Variants in ADAM22 observed in about 807,000 individuals in gnomAD.
The protein encoded by ADAM22 is ADAM metallopeptidase domain 22.
ADAM22 carries 65 observed loss-of-function variants against 144.6 expected under a neutral mutation model. That is an observed-to-expected ratio of 0.45 (90% CI 0.37 to 0.55). The LOEUF (loss-of-function observed/expected upper bound fraction) is 0.55, where lower values mean the gene tolerates loss of function less well. Among genes scored for constraint, ADAM22 ranks in the 20% least tolerant of loss-of-function variants. The pLI is 0.00. For missense variants in ADAM22, 974 were observed against 1,184.9 expected (o/e 0.82, Z 2.61); for synonymous variants, 391 against 412.6 (o/e 0.95, Z 0.63).
At chr7:87,991,440 C>G (rs1186974164) in intron 3 of ADAM22, among the ~76,000 whole-genome samples, 1 of 146,618 alleles carries the variant, frequency 6.8e-6, no homozygotes, top group African/African-American at 2.5e-5. Flanking sequence ...AATCTCGGCT[C>G]ACTGCAAGCT....
intron 2 of ADAM22, among the ~76,000 whole-genome samples, chr7:87,961,345 G>A (rs1385723039): frequency 1.3e-5 from 2 of 152,112 alleles, no homozygotes; most frequent in Non-Finnish European, 2.9e-5. Flanking sequence ...GTTCTGGGAG[G>A]AAATATTTGG....
intron 6 of ADAM22, among the ~76,000 whole-genome samples, 156 bp downstream of exon 6, chr7:88,114,803 T>C (rs1585861629): frequency 1.3e-5 from 2 of 152,296 alleles, no homozygotes; most frequent in East Asian, 1.9e-4. Context: ...ATGATGGGTC[T>C]ATGTCCTGAT....
At chr7:88,162,145 A>G (rs1209251406) in intron 22 of ADAM22, among the ~76,000 whole-genome samples, 3 of 122,342 alleles carry the variant, frequency 2.5e-5, no homozygotes, top group Non-Finnish European at 5.1e-5. Context: ...ATGGAATACT[A>G]TGCAGCCATA....
chr7:87,961,115 G>A (rs1847915234), intron 2 of ADAM22, among the ~76,000 whole-genome samples: 1 of 152,060 alleles, frequency 6.6e-6, no homozygotes. Context: ...GGCATACGTT[G>A]TAATTTCTAG....
chr7:87,948,639 A>G (rs1844288964), intron 2 of ADAM22, among the ~76,000 whole-genome samples: 1 of 152,186 alleles, frequency 6.6e-6, no homozygotes, highest in African/African-American at 2.4e-5. Context: ...ATAGGGATCC[A>G]TTGCTACATT....
chr7:87,960,039 A>G (rs751262896), intron 2 of ADAM22, among the ~76,000 whole-genome samples: 4 of 152,116 alleles, frequency 2.6e-5, no homozygotes, highest in Non-Finnish European at 5.9e-5. Flanking sequence ...GCTTCTTATT[A>G]ATCTGGGCCC....
At chr7:88,042,020 G>T (rs2024018) in intron 3 of ADAM22, among the ~76,000 whole-genome samples, 61,104 of 151,824 alleles carry the variant, frequency 0.4, 13,908 homozygotes, top group East Asian at 0.59. Context: ...GAGATTTGTT[G>T]TTAATTGTTC....
chr7:88,148,801 T>C (rs1313199423), intron 17 of ADAM22, among the ~76,000 whole-genome samples, 176 bp from the exon 18 acceptor site: 3 of 152,218 alleles, frequency 2.0e-5, no homozygotes, highest in Non-Finnish European at 4.4e-5. Context: ...AAGAAACTGT[T>C]TCTTAAAACT....
chr7:87,993,185 G>C (rs1790319138), intron 3 of ADAM22, among the ~76,000 whole-genome samples: 1 of 152,146 alleles, frequency 6.6e-6, no homozygotes, highest in Non-Finnish European at 1.5e-5. Flanking sequence ...TGATACTGCT[G>C]CTGAGTTCAT....
At chr7:88,073,976 CA>C (rs1220688772) in intron 3 of ADAM22, among the ~76,000 whole-genome samples, 1 of 152,140 alleles carries the variant, frequency 6.6e-6, no homozygotes, top group Non-Finnish European at 1.5e-5. Context: ...AGTTGTTAAT[CA>C]GGGTAATTTT....
chr7:87,963,719 T>C (rs183826673), intron 2 of ADAM22, among the ~76,000 whole-genome samples: 1 of 152,262 alleles, frequency 6.6e-6, no homozygotes, highest in East Asian at 1.9e-4. Context: ...GAGCAGCTAA[T>C]CAGAGGGAAG....
At chr7:88,102,968 T>A (rs549341051) in intron 4 of ADAM22, among the ~76,000 whole-genome samples, 4 of 152,180 alleles carry the variant, frequency 2.6e-5, no homozygotes, top group Admixed American at 6.5e-5. Flanking sequence ...TATATAAACA[T>A]AAATCAGGCA....
chr7:88,086,769 G>A (rs1455184036), intron 4 of ADAM22, among the ~76,000 whole-genome samples: 1 of 152,210 alleles, frequency 6.6e-6, no homozygotes, highest in African/African-American at 2.4e-5. Context: ...GAATTGATGA[G>A]TAGTGGCAGC....
At chr7:88,108,289 T>G (rs769481726) in intron 5 of ADAM22, 31 bp downstream of exon 5, 2 of 1,568,780 alleles carry the variant, frequency 1.3e-6, no homozygotes, top group South Asian at 2.3e-5. Context: ...TTTTACTGTT[T>G]GTTTTTTCAA....
At chr7:88,100,625 G>T (rs1822654003) in intron 4 of ADAM22, among the ~76,000 whole-genome samples, 1 of 152,132 alleles carries the variant, frequency 6.6e-6, no homozygotes, top group African/African-American at 2.4e-5. Context: ...GCTTTTTTAA[G>T]AATTTCCATT....
rs1396661004 is a variant in ADAM22 at position 88,199,628 on chromosome 7, G to A, written c.*3137G>A. 1 of 152,242 alleles carries A rather than the reference G, an allele frequency of 6.6e-6. No individual in the cohort carries two copies. The allele number at this position is 152,242 out of a possible 1,614,324, so 9.4% of individuals were successfully genotyped here. A position where few individuals can be genotyped will look rare whatever the true frequency, so the allele number is the denominator to read the frequency against. Reference sequence around the variant, plus strand: ...AATACATCGGACAGTGCAACATGGTGAGGGCTTTCAATTTGCTGTGGTTGC... The same window carrying A: ...AATACATCGGACAGTGCAACATGGTAAGGGCTTTCAATTTGCTGTGGTTGC... On this transcript the variant is annotated 3_prime_UTR_variant, in exon 32 of 32. Coordinates refer to ENST00000413139, the MANE Select transcript of ADAM22 (RefSeq NM_001324418.2).
At chr7:87,982,044 CATATATAT>C (rs57982467) in intron 3 of ADAM22, among the ~76,000 whole-genome samples, 1,740 of 113,186 alleles carry the variant, frequency 0.015, 36 homozygotes, top group African/African-American at 0.044. Flanking sequence ...ATGTTTATTT[CATATATAT>C]ATATATATAT....
intron 5 of ADAM22, among the ~76,000 whole-genome samples, chr7:88,111,950 C>A (rs113669315): frequency 6.6e-6 from 1 of 152,144 alleles, no homozygotes; most frequent in African/African-American, 2.4e-5. Context: ...GGACATTAAC[C>A]TAGTATAAGG....
intron 9 of ADAM22, 21 bp from the exon 10 acceptor site, chr7:88,130,367 C>T (rs761788675): frequency 3.7e-6 from 6 of 1,603,728 alleles, no homozygotes; most frequent in Non-Finnish European, 5.1e-6. Flanking sequence ...AAGACCTTCA[C>T]TTGTTTTCTT....
Sources: gnomAD v4.1 joint callset for allele counts (sites outside exome capture counted in the v4.1 genomes callset) on GRCh38, gnomAD v4.1.1 for gene constraint, MANE v1.5 for transcripts, NCBI Gene and HGNC (gene_info 2026-07-23, HGNC 2026-07-21) for gene names.